The following NCOA3 variants were observed in gnomAD, a reference collection of about 807,000 sequenced individuals.
NCOA3 encodes nuclear receptor coactivator 3, also known as CBP-interacting protein.
A neutral mutation model predicts 158.8 loss-of-function variants in NCOA3; 51 were observed. That is an observed-to-expected ratio of 0.32 (90% CI 0.26 to 0.41). NCOA3 has a LOEUF of 0.41. Ranked by LOEUF, NCOA3 falls within the 10% of genes least tolerant of loss-of-function variation. The pLI is 1.00. For synonymous variants in NCOA3, 537 were observed against 592.4 expected (o/e 0.91, Z 1.36); for missense variants, 1,510 against 1,746.6 (o/e 0.86, Z 2.41).
rs189120431 is a variant in NCOA3, at chr20:47,609,765, A to G, written c.-19-12464A>G. On this transcript the variant is annotated intron_variant, in intron 2 of 22. Coordinates refer to ENST00000371998, the MANE Select transcript of NCOA3 (RefSeq NM_181659.3). ...AAAAGTTATGGATCATGAAACTAAC[A>G]TTTGAATAGCAACAAAGAAAAAACC... 1.9e-4 allele frequency among the ~76,000 whole-genome samples: 29 copies of G among 152,206 alleles called. No individual in the cohort carries two copies. In the East Asian group the frequency reaches 4.8e-3, roughly 25 times the overall value.
At chr20:47,525,765 ACCCCCCCCACCTCCCTCCCAGACGGGGCG>A (rs2084428940) in intron 1 of NCOA3, among the ~76,000 whole-genome samples, 1 of 64,506 alleles carries the variant, frequency 1.6e-5, no homozygotes, top group Non-Finnish European at 2.7e-5. Context: ...CGGGGGGCTG[ACCCCCCCCACCTCCCTCCCAGACGGGGCG>A]GCTGGCCGGG....
At position 47,510,719 on chromosome 20, in the gene NCOA3, A is replaced by G. The variant is rs72661184; in HGVS notation, c.-99+8700A>G. 1.2e-4 allele frequency among the ~76,000 whole-genome samples: 18 copies of G among 152,064 alleles called. No individual in the cohort carries two copies. In the East Asian group the frequency reaches 2.9e-3, roughly 25 times the overall value. On this transcript the variant is annotated intron_variant, in intron 1 of 22. Coordinates refer to ENST00000371998, the MANE Select transcript of NCOA3 (RefSeq NM_181659.3). The stretch of plus-strand genomic sequence containing the variant: ...AGCGGTCCTCCCAGCGCAGCCTCCC[A>G]GTAGCTGTGACTACAGGCACATGTC...
At chr20:47,594,664 CAAAAAA>C (rs377014290) in intron 2 of NCOA3, among the ~76,000 whole-genome samples, 291 of 72,806 alleles carry the variant, frequency 4.0e-3, no homozygotes, top group South Asian at 8.8e-3. Context: ...GACTCTGTCT[CAAAAAA>C]AAAAAAAAAA....
chr20:47,544,021 ATAG>A (rs2084786828), intron 1 of NCOA3, among the ~76,000 whole-genome samples: 1 of 152,206 alleles, frequency 6.6e-6, no homozygotes, highest in African/African-American at 2.4e-5. Flanking sequence ...TGTTGCAAAA[ATAG>A]TAGAGTTTTC....
At chr20:47,641,333 T>C (rs1338240898) in intron 16 of NCOA3, among the ~76,000 whole-genome samples, 2 of 145,812 alleles carry the variant, frequency 1.4e-5, no homozygotes, top group Non-Finnish European at 3.0e-5. Context: ...TCTTTTTTTT[T>C]TTTTTTTTTT....
intron 1 of NCOA3, among the ~76,000 whole-genome samples, chr20:47,524,253 C>T (rs1024352842): frequency 6.6e-6 from 1 of 151,240 alleles, no homozygotes; most frequent in Non-Finnish European, 1.5e-5. Context: ...TACTGCCTGC[C>T]GTGATTCACA....
At chr20:47,611,754 T>C (rs920206211) in intron 2 of NCOA3, among the ~76,000 whole-genome samples, 1 of 152,032 alleles carries the variant, frequency 6.6e-6, no homozygotes, top group Non-Finnish European at 1.5e-5. Flanking sequence ...ATTGCGCCAC[T>C]GCACTCCAGC....
intron 17 of NCOA3, among the ~76,000 whole-genome samples, chr20:47,644,467 A>C (rs1234370737): frequency 6.6e-6 from 1 of 151,830 alleles, no homozygotes; most frequent in Non-Finnish European, 1.5e-5. Flanking sequence ...TATATTTTGA[A>C]GTCTTCTCTA....
intron 5 of NCOA3, among the ~76,000 whole-genome samples, 187 bp downstream of exon 5, chr20:47,625,668 G>A (rs1230020877): frequency 1.3e-5 from 2 of 152,054 alleles, no homozygotes; most frequent in Non-Finnish European, 2.9e-5. Context: ...ACATAATTCA[G>A]GAAGCCTTGC....
chr20:47,580,287 G>A (rs1163872629), intron 1 of NCOA3, among the ~76,000 whole-genome samples: 1 of 151,794 alleles, frequency 6.6e-6, no homozygotes, highest in Non-Finnish European at 1.5e-5. Flanking sequence ...TTTCCTGGCC[G>A]GGCACGGTGG....
intron 2 of NCOA3, among the ~76,000 whole-genome samples, chr20:47,621,265 AT>A (rs11480221): frequency 1.5e-4 from 22 of 147,836 alleles, no homozygotes; most frequent in African/African-American, 4.0e-4. Context: ...TTTGCTTTTG[AT>A]TTTTTTTTTA....
chr20:47,561,299 C>CTT (rs34668605), intron 1 of NCOA3, among the ~76,000 whole-genome samples: 1,773 of 117,738 alleles, frequency 0.015, 68 homozygotes, highest in African/African-American at 0.053. Flanking sequence ...TTCAAGTTGA[C>CTT]TTTTTTTTTT....
chr20:47,515,809 G>A lies in NCOA3; in HGVS notation c.-99+13790G>A, dbSNP rs1050991289. 2.0e-5 allele frequency among the ~76,000 whole-genome samples: 3 copies of A among 152,134 alleles called. No homozygotes were observed. The East Asian group carries it at 5.8e-4, about 29-fold the overall frequency. ...TACCAATATTATCATCAATCAATAA[G>A]TGGTAGCTTTTCTGTGGTATATCCA... On this transcript the variant is annotated intron_variant, in intron 1 of 22. Coordinates refer to ENST00000371998, the MANE Select transcript of NCOA3 (RefSeq NM_181659.3).
At chr20:47,651,850 T>C (rs1454290229) in intron 20 of NCOA3, among the ~76,000 whole-genome samples, 2 of 151,690 alleles carry the variant, frequency 1.3e-5, no homozygotes, top group East Asian at 1.9e-4. Context: ...AAATTTTTAA[T>C]AGAGACGGGG....
chr20:47,624,518 G>A (rs1379371250), intron 4 of NCOA3, among the ~76,000 whole-genome samples: 1 of 152,106 alleles, frequency 6.6e-6, no homozygotes, highest in Non-Finnish European at 1.5e-5. Context: ...TGTGAGTGAT[G>A]GGGAGGGGCT....
At chr20:47,593,892 T>C in intron 2 of NCOA3, among the ~76,000 whole-genome samples, 1 of 152,180 alleles carries the variant, frequency 6.6e-6, no homozygotes, top group Non-Finnish European at 1.5e-5. Flanking sequence ...GTAGTAACCG[T>C]ATATTTATAT....
intron 1 of NCOA3, among the ~76,000 whole-genome samples, chr20:47,557,388 T>C (rs957906031): frequency 6.6e-6 from 1 of 152,194 alleles, no homozygotes; most frequent in South Asian, 2.1e-4. Flanking sequence ...CTGTAAGATA[T>C]TATTTTCATC....
intron 16 of NCOA3, among the ~76,000 whole-genome samples, chr20:47,640,884 T>C (rs2086593796): frequency 6.7e-6 from 1 of 149,952 alleles, no homozygotes; most frequent in Admixed American, 6.7e-5. Flanking sequence ...TGAGACTCCG[T>C]CTCTAAAAAA....
intron 3 of NCOA3, among the ~76,000 whole-genome samples, 196 bp downstream of exon 3, chr20:47,622,526 A>G (rs2086258412): frequency 6.6e-6 from 1 of 152,134 alleles, no homozygotes; most frequent in South Asian, 2.1e-4. Context: ...ATTCATATAG[A>G]AGGTAGAATA....
Sources: gnomAD v4.1 joint callset for allele counts (sites outside exome capture counted in the v4.1 genomes callset) on GRCh38, gnomAD v4.1.1 for gene constraint, MANE v1.5 for transcripts, NCBI Gene and HGNC (gene_info 2026-07-23, HGNC 2026-07-21) for gene names.